Variants in LRBA observed in about 807,000 individuals in gnomAD.
LRBA encodes LPS responsive beige-like anchor protein.
In LRBA, 176 loss-of-function variants were observed where a neutral mutation model predicts 330.0. That is an observed-to-expected ratio of 0.53 (90% CI 0.47 to 0.60). The LOEUF is 0.60. Among genes scored for constraint, LRBA ranks in the 20% least tolerant of loss-of-function variants. LRBA has a pLI of 0.00. For missense variants in LRBA, 3,259 were observed against 3,444.8 expected (o/e 0.95, Z 1.35); for synonymous variants, 1,230 against 1,193.0 (o/e 1.03, Z -0.64).
chr4:150,968,461 C>T lies in LRBA; in HGVS notation c.217-39396G>A, dbSNP rs540278242. 3.7e-4 allele frequency among the ~76,000 whole-genome samples: 56 copies of T among 152,306 alleles called. No homozygotes were observed. The South Asian group carries it at 0.011, about 29-fold the overall frequency. On this transcript the variant is annotated intron_variant, in intron 2 of 56. Transcript: ENST00000651943. The stretch of plus-strand genomic sequence containing the variant: ...AGGAAATTAAACGTAAGCAAAACAG[C>T]TTCATGGCTGATATGGAGAAAGTTT...
At chr4:150,366,542 G>T (rs1427017578) in intron 47 of LRBA, among the ~76,000 whole-genome samples, 1 of 152,194 alleles carries the variant, frequency 6.6e-6, no homozygotes, top group Admixed American at 6.5e-5. Context: ...GCATGGAGGA[G>T]TGGGGGCTGG....
At chr4:150,698,163 G>C (rs888720283) in intron 36 of LRBA, among the ~76,000 whole-genome samples, 5 of 152,022 alleles carry the variant, frequency 3.3e-5, no homozygotes, top group Admixed American at 2.6e-4. Context: ...AATATTCTAA[G>C]TGCACATGAG....
chr4:150,495,468 T>TA (rs1376812853), intron 40 of LRBA, among the ~76,000 whole-genome samples: 2 of 152,132 alleles, frequency 1.3e-5, no homozygotes, highest in African/African-American at 2.4e-5. Context: ...CCTAATCTTT[T>TA]AAAAAATTAA....
intron 2 of LRBA, among the ~76,000 whole-genome samples, chr4:150,932,095 T>C (rs997802676): frequency 2.0e-5 from 3 of 151,882 alleles, no homozygotes; most frequent in Non-Finnish European, 4.4e-5. Context: ...ATTAATTAAA[T>C]AAAAGCACTG....
chr4:150,447,358 ATCATCCAATCTGC>A (rs1426219442), intron 44 of LRBA, among the ~76,000 whole-genome samples: 1 of 152,188 alleles, frequency 6.6e-6, no homozygotes, highest in Non-Finnish European at 1.5e-5. Flanking sequence ...GTGGGTGGGC[ATCATCCAATCTGC>A]TGAGGATCTG....
intron 2 of LRBA, among the ~76,000 whole-genome samples, chr4:150,983,775 A>G (rs1381330747): frequency 6.6e-6 from 1 of 152,036 alleles, no homozygotes; most frequent in African/African-American, 2.4e-5. Context: ...CCGTCTTAAA[A>G]AAAAAAAAAA....
At chr4:150,669,156 C>T (rs1781829106) in intron 37 of LRBA, among the ~76,000 whole-genome samples, 1 of 152,128 alleles carries the variant, frequency 6.6e-6, no homozygotes, top group African/African-American at 2.4e-5. Flanking sequence ...ACTCTAAGAA[C>T]TGAGACTAAT....
intron 13 of LRBA, among the ~76,000 whole-genome samples, chr4:150,902,165 T>C (rs1730802820): frequency 1.3e-5 from 2 of 152,176 alleles, no homozygotes; most frequent in South Asian, 2.1e-4. Context: ...TAAATTATTA[T>C]AGGATAAACT....
chr4:150,632,505 A>G (rs924022690), intron 37 of LRBA, among the ~76,000 whole-genome samples: 1 of 152,180 alleles, frequency 6.6e-6, no homozygotes, highest in Non-Finnish European at 1.5e-5. Flanking sequence ...GAGTCATCAG[A>G]ACAAAAGAGA....
chr4:150,282,566 G>C lies in LRBA; in HGVS notation c.8200C>G (p.Leu2734Val). The C allele has an allele frequency of 6.2e-7, 1 of 1,614,030 alleles. No homozygotes were observed. Among genetic ancestry groups the C allele is most frequent in the Non-Finnish European group, 8.5e-7 (1 of 1,179,868 alleles). ...TGACCCTCTCTTGAAGCCTGAATGA[G>C]TTTTGGTTTCAGGCAGTTTTCAGGA... ...EGPENCLKPKLIQASREGHCV... is the reference protein window; with the variant it reads ...EGPENCLKPKVIQASREGHCV... Residue 2734 changes from leucine (L) to valine (V), a missense_variant, in exon 55 of 57, where the codon CTC (leucine) becomes GTC (valine). Coordinates refer to ENST00000651943, the MANE Select transcript of LRBA (RefSeq NM_001364905.1).
intron 42 of LRBA, among the ~76,000 whole-genome samples, chr4:150,472,980 T>C (rs1756321075): frequency 1.3e-5 from 2 of 152,142 alleles, no homozygotes; most frequent in Admixed American, 1.3e-4. Context: ...TGTTTTGATT[T>C]CTTTTGGGTA....
At chr4:150,315,095 A>C (rs1580987903) in intron 51 of LRBA, 1 of 193,430 alleles carries the variant, frequency 5.2e-6, no homozygotes. Context: ...GATCTCCTTT[A>C]ATGATGAAAC....
At chr4:150,847,716 A>G (rs1750032752) in intron 26 of LRBA, among the ~76,000 whole-genome samples, 1 of 152,186 alleles carries the variant, frequency 6.6e-6, no homozygotes, top group Non-Finnish European at 1.5e-5. Context: ...TAGAAGGAAA[A>G]TTATGCAAAA....
At chr4:151,008,592 GA>G (rs1323138624) in intron 2 of LRBA, among the ~76,000 whole-genome samples, 4 of 147,940 alleles carry the variant, frequency 2.7e-5, no homozygotes, top group African/African-American at 5.0e-5. Flanking sequence ...GAGTTTGGTT[GA>G]AAAAAAAAAT....
At chr4:150,815,889 A>C (rs1178928913) in intron 31 of LRBA, among the ~76,000 whole-genome samples, 1 of 151,948 alleles carries the variant, frequency 6.6e-6, no homozygotes. Flanking sequence ...CTACTGGAAC[A>C]TTTTCTCTAT....
At chr4:150,810,170 C>T (rs1366084490) in intron 31 of LRBA, among the ~76,000 whole-genome samples, 1 of 152,098 alleles carries the variant, frequency 6.6e-6, no homozygotes, top group Non-Finnish European at 1.5e-5. Context: ...AGTACTTGAT[C>T]AATAACCCTC....
In LRBA at chr4:150,511,399, GA is replaced by G. The variant is rs551358788; in HGVS notation, c.6331-20365del. 3.7e-3 allele frequency among the ~76,000 whole-genome samples: 556 copies of G among 152,236 alleles called. 3 individuals carry two copies. Among genetic ancestry groups the G allele is most frequent in the Middle Eastern group, 0.01 (3 of 294 alleles). On this transcript the variant is annotated intron_variant, in intron 40 of 56. Transcript: ENST00000651943. ...GTCATATAGGGTAAAACCTACTTTA[GA>G]AGAGGTTCTTATCATCTTTTACCAT...
At chr4:150,719,771 C>T (rs1728687334) in intron 36 of LRBA, among the ~76,000 whole-genome samples, 1 of 151,982 alleles carries the variant, frequency 6.6e-6, no homozygotes, top group African/African-American at 2.4e-5. Context: ...CCTGGAGATG[C>T]CAGAAAAACT....
intron 40 of LRBA, among the ~76,000 whole-genome samples, chr4:150,493,605 C>G (rs1028014230): frequency 6.6e-6 from 1 of 152,094 alleles, no homozygotes. Flanking sequence ...GATCTGTATG[C>G]CACATGGTAA....
Sources: gnomAD v4.1 joint callset for allele counts (sites outside exome capture counted in the v4.1 genomes callset) on GRCh38, gnomAD v4.1.1 for gene constraint, MANE v1.5 for transcripts, NCBI Gene and HGNC (gene_info 2026-07-23, HGNC 2026-07-21) for gene names.